The following SULT1E1 variants were observed in gnomAD, a reference collection of about 807,000 sequenced individuals.
SULT1E1 encodes sulfotransferase 1E1.
SULT1E1 carries 36 observed loss-of-function variants against 33.6 expected under a neutral mutation model. The observed-to-expected ratio is 1.07, with a 90% CI of 0.82 to 1.41. SULT1E1 has a LOEUF of 1.41. SULT1E1 is among the 40% of genes most tolerant of loss of function. SULT1E1 has a pLI of 0.00. For synonymous variants in SULT1E1, 121 were observed against 111.7 expected (o/e 1.08, Z -0.53); for missense variants, 371 against 345.7 (o/e 1.07, Z -0.58).
At chr4:69,845,846 G>A (rs1199085094) in intron 6 of SULT1E1, among the ~76,000 whole-genome samples, 1 of 150,802 alleles carries the variant, frequency 6.6e-6, no homozygotes, top group Non-Finnish European at 1.5e-5. Flanking sequence ...CACAGTATTG[G>A]ATAATATAAT....
At chr4:69,844,411 AAAAAT>A in intron 6 of SULT1E1, 70 bp from the exon 7 acceptor site, 1 of 1,221,410 alleles carries the variant, frequency 8.2e-7, no homozygotes, top group South Asian at 1.5e-5. Context: ...ATGAAAGAGA[AAAAAT>A]AAACCTTTCT....
downstream of SULT1E1, among the ~76,000 whole-genome samples, chr4:69,837,619 T>G (rs1720815473): frequency 6.6e-6 from 1 of 152,164 alleles, no homozygotes; most frequent in South Asian, 2.1e-4. Context: ...AGCATTATGA[T>G]TCAAACCCTA....
chr4:69,854,060 A>G (rs1721180387), intron 4 of SULT1E1, among the ~76,000 whole-genome samples, 157 bp downstream of exon 4: 1 of 152,178 alleles, frequency 6.6e-6, no homozygotes, highest in South Asian at 2.1e-4. Context: ...GAATTAAAAT[A>G]TAGACTCTCT....
chr4:69,849,656 T>C, intron 4 of SULT1E1, 93 bp from the exon 5 acceptor site: 1 of 1,168,138 alleles, frequency 8.6e-7, no homozygotes, highest in Non-Finnish European at 1.2e-6. Context: ...TTTTCAAATA[T>C]AAACATAATA....
chr4:69,849,446 G>T lies in SULT1E1; in HGVS notation c.487C>A (p.Gln163Lys), dbSNP rs764414923. ...SFPEFVEKFM[Q>K]GQVPYGSWYK... is the part of the protein sequence containing the mutation. The stretch of plus-strand genomic sequence containing the variant: ...AAGAAGCTGTTCCTACCCTGTCCTT[G>T]CATGAATTTCTCCACAAACTCTGGA... The change falls in exon 5 of 8, where the codon CAA becomes AAA. Residue 163 changes from glutamine to lysine, a missense_variant. By Grantham distance (53) the Gln-to-Lys change is moderately conservative. Coordinates refer to ENST00000226444, the MANE Select transcript of SULT1E1 (RefSeq NM_005420.3). 6.8e-6 allele frequency: 11 copies of T among 1,610,926 alleles called. No individual in the cohort carries two copies. The highest frequency in any genetic ancestry group is 9.3e-6 in the Non-Finnish European group (11 of 1,177,768).
At chr4:69,842,823 AATTC>A (rs1041500527) in intron 7 of SULT1E1, among the ~76,000 whole-genome samples, 7 of 151,642 alleles carry the variant, frequency 4.6e-5, no homozygotes, top group African/African-American at 1.7e-4. Flanking sequence ...TTGCAGAAGG[AATTC>A]ATCTTTTTTT....
At position 69,844,282 on chromosome 4, in the gene SULT1E1, C is replaced by T; in HGVS notation, c.651G>A (p.Glu217=). 6.2e-7 allele frequency: 1 copy of T among 1,613,892 alleles called. No individual in the cohort carries two copies. Among genetic ancestry groups the T allele is most frequent in the Non-Finnish European group, 8.5e-7 (1 of 1,179,834 alleles). ...TATGATGTATAATCCTGTCCACAAG[C>T]TCCTCTGATGGCTTCCTTTCCAGGA... is the stretch of plus-strand genomic sequence containing the variant. ...IHFLERKPSE[E]LVDRIIHHTS... The change falls in exon 7 of 8, where the codon GAG becomes GAA. Residue 217 remains glutamate, a synonymous_variant. Coordinates refer to ENST00000226444, the MANE Select transcript of SULT1E1 (RefSeq NM_005420.3).
At chr4:69,854,936 C>T (rs372425383) in intron 3 of SULT1E1, among the ~76,000 whole-genome samples, 1 of 151,954 alleles carries the variant, frequency 6.6e-6, no homozygotes, top group Admixed American at 6.6e-5. Context: ...CAATTTTCCA[C>T]AATATTAAAA....
chr4:69,839,805 A>T (rs1428622604), downstream of SULT1E1, among the ~76,000 whole-genome samples: 1 of 152,200 alleles, frequency 6.6e-6, no homozygotes, highest in Non-Finnish European at 1.5e-5. Context: ...TCTACGTGAA[A>T]TTGAAGCTAG....
intron 5 of SULT1E1, chr4:69,849,213 A>G (rs1374784763): frequency 6.6e-6 from 2 of 302,758 alleles, no homozygotes; most frequent in Non-Finnish European, 1.2e-5. Flanking sequence ...AATTCTATAT[A>G]TTTATTTTTA....
downstream of SULT1E1, among the ~76,000 whole-genome samples, chr4:69,839,899 C>T (rs1406509758): frequency 6.6e-6 from 1 of 152,196 alleles, no homozygotes; most frequent in Non-Finnish European, 1.5e-5. Context: ...AAATTTTATT[C>T]AGGCTAAACT....
the SULT1E1 span, among the ~76,000 whole-genome samples, chr4:69,821,360 T>G: frequency 2.6e-5 from 4 of 152,226 alleles, no homozygotes; most frequent in African/African-American, 9.6e-5. Flanking sequence ...AAGGCTGTAT[T>G]ATTTTTCCAT....
chr4:69,854,276 C>T lies in SULT1E1; in HGVS notation c.310G>A (p.Val104Met), dbSNP rs1342112380. 1 of 1,611,984 alleles carries T rather than the reference C, an allele frequency of 6.2e-7. No individual in the cohort carries two copies. Among genetic ancestry groups the T allele is most frequent in the Admixed American group, 1.7e-5 (1 of 59,940 alleles). The change falls in exon 4 of 8, where the codon GTG becomes ATG. Residue 104 changes from valine to methionine, a missense_variant. Coordinates refer to ENST00000226444, the MANE Select transcript of SULT1E1 (RefSeq NM_005420.3). ...AGTTCAGGTGGCAAATGAGTCTTCA[C>T]AATTCTAGGAGAATTCATCTCATCT... ...QLDEMNSPRI[V>M]KTHLPPELLP...
chr4:69,852,226 C>G (rs1214068497), intron 4 of SULT1E1, among the ~76,000 whole-genome samples: 1 of 152,138 alleles, frequency 6.6e-6, no homozygotes, highest in African/African-American at 2.4e-5. Flanking sequence ...CTTGCTTTAA[C>G]TGAAGATTTG....
intron 4 of SULT1E1, among the ~76,000 whole-genome samples, chr4:69,853,775 T>C (rs922447643): frequency 6.6e-6 from 1 of 152,160 alleles, no homozygotes; most frequent in Non-Finnish European, 1.5e-5. Context: ...CCTTTTATGG[T>C]TCATTTGCAT....
chr4:69,834,912 A>G, the SULT1E1 span, among the ~76,000 whole-genome samples: 991 of 152,116 alleles, frequency 6.5e-3, 12 homozygotes, highest in African/African-American at 0.023. Flanking sequence ...TCCTCTCCCT[A>G]TACTTATCAT....
chr4:69,849,414 C>A, intron 5 of SULT1E1, 23 bp downstream of exon 5: 1 of 1,598,998 alleles, frequency 6.3e-7, no homozygotes, highest in Non-Finnish European at 8.5e-7. Context: ...AAAAAAAATT[C>A]AGTGTAAAGA....
chr4:69,832,009 T>A, the SULT1E1 span, among the ~76,000 whole-genome samples: 1 of 152,198 alleles, frequency 6.6e-6, no homozygotes, highest in Non-Finnish European at 1.5e-5. Context: ...AGTTGGGGTA[T>A]AAGTTTCATC....
intron 7 of SULT1E1, 80 bp downstream of exon 7, chr4:69,844,081 A>T: frequency 7.4e-7 from 1 of 1,348,112 alleles, no homozygotes; most frequent in Non-Finnish European, 1.1e-6. Context: ...TAGGCATTAA[A>T]ATACCTCACT....
Sources: allele counts gnomAD v4.1 joint callset (sites outside exome capture counted in the v4.1 genomes callset), GRCh38; gene constraint gnomAD v4.1.1; transcripts MANE v1.5; gene names NCBI Gene and HGNC (gene_info 2026-07-23, HGNC 2026-07-21).